The following PRKG1 variants were observed in gnomAD, a reference collection of about 807,000 sequenced individuals.
PRKG1 encodes the protein cGMP-dependent protein kinase 1.
Under a neutral mutation model 88.1 loss-of-function variants are expected in PRKG1, and 35 were observed. The observed-to-expected ratio is 0.40, with a 90% CI of 0.30 to 0.53. The LOEUF (loss-of-function observed/expected upper bound fraction) is 0.53. Ranked by LOEUF, PRKG1 falls within the 20% of genes least tolerant of loss-of-function variation. The pLI, the probability that PRKG1 is intolerant of heterozygous loss-of-function variation, is 0.59. For synonymous variants in PRKG1, 303 were observed against 292.5 expected, an observed-to-expected ratio of 1.04 and a Z score of -0.37; for missense variants, 540 against 839.8, an observed-to-expected ratio of 0.64 and a Z score of 4.41.
rs1843330748 is a variant in PRKG1, at chr10:51,034,671, TATATATATATATATATATATA to T, written c.266+43028_266+43048del. Among the ~76,000 whole-genome samples, 16 of 44,418 alleles carry T rather than the reference TATATATATATATATATATATA, an allele frequency of 3.6e-4. 1 individual carries two copies. Among genetic ancestry groups the T allele is most frequent in the African/African-American group, 1.1e-3 (15 of 13,274 alleles). 29.1% of individuals were successfully genotyped at this position (44,418 alleles called of 152,430 possible). A position where few individuals can be genotyped will look rare whatever the true frequency, so the allele number is the denominator to read the frequency against. On this transcript the variant is annotated intron_variant, in intron 1 of 17. Transcript: ENST00000401604. ...AAAATTATATATAATATGTTATTTA[TATATATATATATATATATATA>T]TATATATATATATATGCCTTAAAAA...
rs11436929 is a variant in PRKG1 at position 51,413,344 on chromosome 10, GT to G, written c.479-54369del. Among the ~76,000 whole-genome samples the G allele has an allele frequency of 2.5e-4, 37 of 146,196 alleles. 1 individual carries two copies. The South Asian group carries it at 2.8e-3, about 11-fold the overall frequency. ...GAAAGCACCTTCTCTTAAAAAAAAT[GT>G]TTTTTTTTTGTTTTTTGTTTGTTTG... is the stretch of plus-strand genomic sequence containing the variant. On this transcript the variant is annotated intron_variant, in intron 2 of 17. Transcript: ENST00000373980.
At chr10:51,823,856 T>A in intron 4 of PRKG1, among the ~76,000 whole-genome samples, 1 of 134,408 alleles carries the variant, frequency 7.4e-6, no homozygotes, top group East Asian at 2.1e-4. Flanking sequence ...AGAATTTTTT[T>A]TTCTCTCTCC....
chr10:51,011,036 C>G (rs920000767), intron 1 of PRKG1, among the ~76,000 whole-genome samples: 3 of 152,136 alleles, frequency 2.0e-5, no homozygotes, highest in African/African-American at 7.2e-5. Context: ...TTGTGGGATT[C>G]TCCAGTGGAT....
At chr10:51,376,641 TTTTG>T (rs1304122511) in intron 2 of PRKG1, among the ~76,000 whole-genome samples, 2 of 151,878 alleles carry the variant, frequency 1.3e-5, no homozygotes, top group African/African-American at 4.8e-5. Context: ...TTTACTAGGG[TTTTG>T]TTTGTTTTCT....
chr10:51,719,327 G>C (rs10999069), intron 3 of PRKG1, among the ~76,000 whole-genome samples: 67,215 of 151,920 alleles, frequency 0.44, 15,495 homozygotes, highest in Middle Eastern at 0.56. Flanking sequence ...AGAAACCTGG[G>C]AGACACCACT....
intron 2 of PRKG1, among the ~76,000 whole-genome samples, chr10:51,330,045 T>C (rs1841692643): frequency 6.6e-6 from 1 of 150,768 alleles, no homozygotes; most frequent in African/African-American, 2.4e-5. Context: ...AAAATAAATG[T>C]TCTAACCCCT....
rs562736422 is a variant in PRKG1 at position 51,494,060 on chromosome 10, A to T, written c.592+26224A>T. On this transcript the variant is annotated intron_variant, in intron 3 of 17. Coordinates refer to ENST00000373980, the MANE Select transcript of PRKG1 (RefSeq NM_006258.4). ...ATATTGATTGATTTTTTAATTTATTATTTGTTATTCTCTTTTTAGAGTTGG... is the reference window on the plus strand; with the variant it reads ...ATATTGATTGATTTTTTAATTTATTTTTTGTTATTCTCTTTTTAGAGTTGG... Among the ~76,000 whole-genome samples, 4 of 152,178 alleles carry T rather than the reference A, an allele frequency of 2.6e-5. No individual in the cohort carries two copies. In the South Asian group the frequency reaches 8.3e-4, roughly 32 times the overall value.
In PRKG1 at chr10:51,907,543, C is replaced by G. The variant is rs761346689; in HGVS notation, c.735C>G (p.Leu245=). 24 of 1,613,732 alleles carry G rather than the reference C, an allele frequency of 1.5e-5. 1 individual carries two copies. Among genetic ancestry groups the G allele is most frequent in the Non-Finnish European group, 1.9e-5 (22 of 1,179,762 alleles). ...TCCAGAGCCTTCCTGAAGAGATCCT[C>G]AGCAAGCTTGCTGATGTCCTTGAAG... The part of the protein sequence containing the change: ...PTFQSLPEEI[L]SKLADVLEET... The change falls in exon 5 of 18, where the codon CTC becomes CTG. Residue 245 remains leucine (L), a synonymous_variant. Transcript: ENST00000373980.
At chr10:52,290,168 A>G (rs1259795789) in intron 16 of PRKG1, 56 bp from the exon 17 acceptor site, 6 of 1,505,314 alleles carry the variant, frequency 4.0e-6, no homozygotes, top group Non-Finnish European at 5.5e-6. Context: ...ATACACTGCA[A>G]TGAGAAGCTT....
At chr10:51,350,346 G>A (rs1400435173) in intron 2 of PRKG1, among the ~76,000 whole-genome samples, 1 of 152,214 alleles carries the variant, frequency 6.6e-6, no homozygotes, top group Non-Finnish European at 1.5e-5. Context: ...AATATTGGTA[G>A]TGGGGAGTCA....
Position 51,332,315 on chromosome 10 carries a change from A to G in PRKG1, c.479-135408A>G, listed in dbSNP as rs373327630. On this transcript the variant is annotated intron_variant, in intron 2 of 17. Transcript: ENST00000373980. Reference sequence around the variant, plus strand: ...AGAAAGTGCATGCAGTGGTGTTCATAATTTCAGGGAGGAAAATGGGCCATG... The same window carrying G: ...AGAAAGTGCATGCAGTGGTGTTCATGATTTCAGGGAGGAAAATGGGCCATG... Among the ~76,000 whole-genome samples, 83 of 152,286 alleles carry G rather than the reference A, an allele frequency of 5.5e-4. No individual in the cohort carries two copies. The South Asian group carries it at 0.015, about 28-fold the overall frequency.
chr10:52,204,959 T>C (rs1348521619), intron 9 of PRKG1, among the ~76,000 whole-genome samples: 1 of 152,034 alleles, frequency 6.6e-6, no homozygotes, highest in Non-Finnish European at 1.5e-5. Context: ...AAATAAGGAA[T>C]ATTAATAATT....
intron 3 of PRKG1, among the ~76,000 whole-genome samples, chr10:51,547,151 CT>C (rs1411554526): frequency 1.3e-5 from 2 of 152,016 alleles, no homozygotes; most frequent in Admixed American, 6.6e-5. Flanking sequence ...GAATAAATGA[CT>C]TTTATAAATT....
chr10:52,263,652 C>T (rs1372213974), intron 10 of PRKG1, among the ~76,000 whole-genome samples: 1 of 151,468 alleles, frequency 6.6e-6, no homozygotes, highest in East Asian at 2.0e-4. Flanking sequence ...TCTTGGCTCA[C>T]TGCAGCTTGA....
intron 2 of PRKG1, among the ~76,000 whole-genome samples, chr10:51,278,039 A>C (rs187211410): frequency 2.6e-5 from 4 of 152,014 alleles, no homozygotes; most frequent in Admixed American, 6.5e-5. Flanking sequence ...GCCAGTTTTC[A>C]AAGGGAATGC....
chr10:51,665,915 A>ATG (rs1840411220), intron 3 of PRKG1, among the ~76,000 whole-genome samples: 1 of 151,654 alleles, frequency 6.6e-6, no homozygotes, highest in Admixed American at 6.6e-5. Context: ...GTATTTATGA[A>ATG]TATGTGTGTG....
chr10:51,695,425 T>A (rs908114653), intron 3 of PRKG1: 28 of 152,178 alleles, frequency 1.8e-4, no homozygotes, highest in African/African-American at 6.5e-4. Context: ...CCCATGTATA[T>A]CCAGAATGGA....
chr10:51,201,411 C>T (rs961819613), intron 2 of PRKG1, among the ~76,000 whole-genome samples: 4 of 151,940 alleles, frequency 2.6e-5, no homozygotes, highest in African/African-American at 7.3e-5. Flanking sequence ...GAGATTGTGC[C>T]GTCACACTCC....
intron 2 of PRKG1, among the ~76,000 whole-genome samples, chr10:51,393,184 T>G: frequency 7.4e-6 from 1 of 134,476 alleles, no homozygotes; most frequent in Non-Finnish European, 1.6e-5. Flanking sequence ...CCAGACGGGG[T>G]CGCGGGGCCG....
Sources: gnomAD v4.1 joint callset for allele counts (sites outside exome capture counted in the v4.1 genomes callset) on GRCh38, gnomAD v4.1.1 for gene constraint, MANE v1.5 for transcripts, NCBI Gene and HGNC (gene_info 2026-07-23, HGNC 2026-07-21) for gene names.